The following CTNNA3 variants were observed in gnomAD, a reference collection of about 807,000 sequenced individuals.
CTNNA3 encodes catenin alpha 3, also known as catenin alpha-3.
In CTNNA3, 76 loss-of-function variants were observed where a neutral mutation model predicts 95.7. The observed-to-expected ratio is 0.79, with a 90% CI of 0.66 to 0.96. The LOEUF (loss-of-function observed/expected upper bound fraction) is 0.96, where lower values mean the gene tolerates loss of function less well. Ranked by LOEUF, CTNNA3 falls within the 40% of genes least tolerant of loss-of-function variation. The probability of loss-of-function intolerance (pLI) is 0.00; values close to 1 mark genes in which losing one functional copy is unlikely to be tolerated. For missense variants in CTNNA3, 1,191 were observed against 1,089.8 expected (o/e 1.09, Z -1.31); for synonymous variants, 431 against 374.4 (o/e 1.15, Z -1.74).
At chr10:66,589,771 T>C (rs779116069) in intron 10 of CTNNA3, among the ~76,000 whole-genome samples, 1 of 152,146 alleles carries the variant, frequency 6.6e-6, no homozygotes, top group Non-Finnish European at 1.5e-5. Context: ...TTTCCATTGC[T>C]TTTTCCCTTA....
At chr10:66,503,594 T>C (rs1286662344) in intron 11 of CTNNA3, among the ~76,000 whole-genome samples, 1 of 151,896 alleles carries the variant, frequency 6.6e-6, no homozygotes, top group African/African-American at 2.4e-5. Flanking sequence ...TCAGCCTCCC[T>C]AGTAGCTGGG....
At chr10:66,255,005 A>G (rs1252109219) in intron 13 of CTNNA3, among the ~76,000 whole-genome samples, 1 of 152,212 alleles carries the variant, frequency 6.6e-6, no homozygotes, top group African/African-American at 2.4e-5. Flanking sequence ...CAAGGGTGGC[A>G]AGTCCACCTT....
At chr10:66,093,403 T>C (rs969938642) in intron 14 of CTNNA3, among the ~76,000 whole-genome samples, 8 of 152,028 alleles carry the variant, frequency 5.3e-5, no homozygotes, top group African/African-American at 1.9e-4. Context: ...ATTAAATCAA[T>C]AGGGGCTAAA....
chr10:65,914,180 T>C lies in CTNNA3; in HGVS notation c.*6150A>G, dbSNP rs956863824. ...AAATTGAAGAAACATTTAGACATAA[T>C]TGTTAGAAATCTGAGCCTTTTTGAA... On this transcript the variant is annotated 3_prime_UTR_variant, in exon 18 of 18. Coordinates refer to ENST00000433211, the MANE Select transcript of CTNNA3 (RefSeq NM_013266.4). 2.6e-5 allele frequency: 4 copies of C among 152,194 alleles called. No homozygotes were observed. Among genetic ancestry groups the C allele is most frequent in the South Asian group, 4.1e-4 (2 of 4,836 alleles). The allele number at this position is 152,194 out of a possible 1,614,324, so 9.4% of individuals were successfully genotyped here.
intron 1 of CTNNA3, among the ~76,000 whole-genome samples, chr10:67,738,030 C>G (rs1055895698): frequency 2.0e-5 from 3 of 152,180 alleles, no homozygotes; most frequent in South Asian, 2.1e-4. Context: ...TGTTTCACAG[C>G]CTTCACTGGT....
At chr10:66,260,293 A>G (rs1009794825) in intron 13 of CTNNA3, among the ~76,000 whole-genome samples, 1 of 152,096 alleles carries the variant, frequency 6.6e-6, no homozygotes, top group Admixed American at 6.6e-5. Flanking sequence ...AAAGTTAATC[A>G]TCTCTGCCCT....
intron 6 of CTNNA3, among the ~76,000 whole-genome samples, chr10:67,192,906 C>T (rs906016140): frequency 2.0e-5 from 3 of 151,844 alleles, no homozygotes; most frequent in African/African-American, 4.8e-5. Flanking sequence ...TATACAACCA[C>T]TTACAATAGA....
In CTNNA3 at chr10:67,030,398, T is replaced by C. The variant is rs556003376; in HGVS notation, c.1047+149919A>G. On this transcript the variant is annotated intron_variant, in intron 7 of 17. Coordinates refer to ENST00000433211, the MANE Select transcript of CTNNA3 (RefSeq NM_013266.4). ...AAAATTAATGAAATATTTAAATAGC[T>C]CACCAGTTAAAAATTTAGGCCCTGT... 2.8e-3 allele frequency among the ~76,000 whole-genome samples: 425 copies of C among 152,272 alleles called. 1 individual carries two copies. The highest frequency in any genetic ancestry group is 5.3e-3 in the Non-Finnish European group (361 of 68,010).
At chr10:67,666,932 C>T (rs1321088801) in intron 1 of CTNNA3, among the ~76,000 whole-genome samples, 1 of 152,112 alleles carries the variant, frequency 6.6e-6, no homozygotes, top group Non-Finnish European at 1.5e-5. Flanking sequence ...GTTCAATCAT[C>T]AGAAAGACTT....
At chr10:67,713,569 T>C (rs1841125037) in intron 1 of CTNNA3, among the ~76,000 whole-genome samples, 1 of 151,912 alleles carries the variant, frequency 6.6e-6, no homozygotes, top group African/African-American at 2.4e-5. Context: ...ATAAAGAAAA[T>C]GTGGCACATA....
chr10:66,632,399 A>G (rs761319871), intron 9 of CTNNA3, among the ~76,000 whole-genome samples: 1 of 151,920 alleles, frequency 6.6e-6, no homozygotes, highest in African/African-American at 2.4e-5. Context: ...ACTAAAAAAT[A>G]CAAAAATTAG....
At chr10:67,101,170 G>A (rs1231568635) in intron 7 of CTNNA3, among the ~76,000 whole-genome samples, 2 of 151,648 alleles carry the variant, frequency 1.3e-5, no homozygotes, top group Non-Finnish European at 3.0e-5. Flanking sequence ...AGATGTGGAT[G>A]CATGTAGGCC....
At chr10:67,310,487 G>C (rs1167538703) in intron 5 of CTNNA3, among the ~76,000 whole-genome samples, 1 of 152,142 alleles carries the variant, frequency 6.6e-6, no homozygotes, top group Non-Finnish European at 1.5e-5. Context: ...TTCCCCAAAT[G>C]TGCTCACAAT....
chr10:66,027,813 C>CA (rs2133446774), intron 15 of CTNNA3, among the ~76,000 whole-genome samples: 1 of 152,226 alleles, frequency 6.6e-6, no homozygotes, highest in South Asian at 2.1e-4. Flanking sequence ...TATCTTGGCT[C>CA]AAAAAATACT....
At chr10:67,264,035 CAT>C (rs1334756260) in intron 5 of CTNNA3, among the ~76,000 whole-genome samples, 1 of 151,420 alleles carries the variant, frequency 6.6e-6, no homozygotes, top group East Asian at 1.9e-4. Flanking sequence ...AAAAGGGTAA[CAT>C]TTGAACTAGC....
intron 5 of CTNNA3, among the ~76,000 whole-genome samples, chr10:67,318,494 C>T (rs762760312): frequency 1.3e-5 from 2 of 152,160 alleles, no homozygotes; most frequent in African/African-American, 2.4e-5. Context: ...AAAATGCACA[C>T]ATGCATAAAC....
intron 5 of CTNNA3, among the ~76,000 whole-genome samples, chr10:67,360,806 C>T (rs931136768): frequency 1.3e-5 from 2 of 152,006 alleles, no homozygotes; most frequent in Admixed American, 6.6e-5. Context: ...GGGAATGGTA[C>T]TAAACCATTC....
At chr10:67,124,373 T>TGTGTGTGG (rs1240882025) in intron 7 of CTNNA3, among the ~76,000 whole-genome samples, 5 of 143,498 alleles carry the variant, frequency 3.5e-5, no homozygotes, top group African/African-American at 1.3e-4. Flanking sequence ...TGTGTGTGTG[T>TGTGTGTGG]GGTCTATAAA....
rs1454709614 is a variant in CTNNA3, at chr10:65,920,271, T to C, written c.*59A>G. 2 of 1,401,580 alleles carry C rather than the reference T, an allele frequency of 1.4e-6. No homozygotes were observed. Among genetic ancestry groups the C allele is most frequent in the African/African-American group, 2.9e-5 (2 of 69,298 alleles). The allele number at this position is 1,401,580 out of a possible 1,614,324, so 86.8% of individuals were successfully genotyped here. ...ATTACAGAACTTCTTAAGTGTAAAA[T>C]AAAGCAGTGTGGTTAGGCAGGATTT... On this transcript the variant is annotated 3_prime_UTR_variant, in exon 18 of 18. Transcript: ENST00000433211.
Sources: gnomAD v4.1 joint callset for allele counts (sites outside exome capture counted in the v4.1 genomes callset) on GRCh38, gnomAD v4.1.1 for gene constraint, MANE v1.5 for transcripts, NCBI Gene and HGNC (gene_info 2026-07-23, HGNC 2026-07-21) for gene names.